Variants in HEMK2 observed in about 807,000 individuals in gnomAD.
HEMK2 encodes the protein methyltransferase HEMK2.
chr21:28,704,683 T>C, the HEMK2 span, among the ~76,000 whole-genome samples: 2 of 152,230 alleles, frequency 1.3e-5, no homozygotes, highest in Admixed American at 1.3e-4. Flanking sequence ...GTAACCCTAA[T>C]TTACCCCTGA....
At chr21:28,684,837 T>G in the HEMK2 span, among the ~76,000 whole-genome samples, 1 of 152,198 alleles carries the variant, frequency 6.6e-6, no homozygotes, top group Non-Finnish European at 1.5e-5. Flanking sequence ...TCAGCTCTAT[T>G]CTACAAGGAA....
the HEMK2 span, among the ~76,000 whole-genome samples, chr21:28,831,734 G>GGAAGGAAGGAAAGAGAGAAAGAAA: frequency 5.1e-4 from 7 of 13,636 alleles, 1 homozygote. Flanking sequence ...AAGGAAGGAA[G>GGAAGGAAGGAAAGAGAGAAAGAAA]GAAAGAAAGA....
At chr21:28,708,905 T>C in the HEMK2 span, among the ~76,000 whole-genome samples, 2 of 152,148 alleles carry the variant, frequency 1.3e-5, no homozygotes, top group Non-Finnish European at 2.9e-5. Context: ...CTGTCTTAGT[T>C]CAGGTAGCTA....
the HEMK2 span, among the ~76,000 whole-genome samples, chr21:28,856,951 C>T: frequency 6.6e-6 from 1 of 152,138 alleles, no homozygotes; most frequent in African/African-American, 2.4e-5. Flanking sequence ...TGTTCATTCC[C>T]CTAGGAAAGT....
At chr21:28,783,846 C>G in the HEMK2 span, among the ~76,000 whole-genome samples, 1 of 152,158 alleles carries the variant, frequency 6.6e-6, no homozygotes, top group Non-Finnish European at 1.5e-5. Flanking sequence ...GCCCTGCACT[C>G]GGAGCGGCCG....
the HEMK2 span, among the ~76,000 whole-genome samples, chr21:28,668,251 T>A: frequency 6.6e-6 from 1 of 152,232 alleles, no homozygotes; most frequent in Non-Finnish European, 1.5e-5. Context: ...GTGCTGTTAT[T>A]GGATGTATCT....
At chr21:28,724,768 GT>G in the HEMK2 span, among the ~76,000 whole-genome samples, 2 of 151,926 alleles carry the variant, frequency 1.3e-5, no homozygotes, top group Non-Finnish European at 2.9e-5. Context: ...CATGTATCAG[GT>G]TTTTTGTTTT....
chr21:28,814,433 G>C, the HEMK2 span, among the ~76,000 whole-genome samples: 1 of 151,528 alleles, frequency 6.6e-6, no homozygotes, highest in South Asian at 2.1e-4. Flanking sequence ...ACTACCATCA[G>C]AGTGAACAGG....
the HEMK2 span, chr21:28,874,883 A>G: frequency 6.6e-6 from 1 of 152,242 alleles, no homozygotes; most frequent in Non-Finnish European, 1.5e-5. Flanking sequence ...CTTCTAAGCA[A>G]AGTCAACAGG....
At chr21:28,625,666 C>T in the HEMK2 span, among the ~76,000 whole-genome samples, 4 of 151,952 alleles carry the variant, frequency 2.6e-5, no homozygotes, top group East Asian at 3.9e-4. Flanking sequence ...AGCTGGGACC[C>T]GGGGCCATGC....
chr21:28,789,588 A>T, the HEMK2 span, among the ~76,000 whole-genome samples: 1 of 152,196 alleles, frequency 6.6e-6, no homozygotes, highest in African/African-American at 2.4e-5. Context: ...GAAGTAGGTA[A>T]ATTCTTTCTA....
the HEMK2 span, among the ~76,000 whole-genome samples, chr21:28,838,972 A>AAAAATATATATATATATATATATAT: frequency 3.4e-5 from 1 of 29,160 alleles, no homozygotes; most frequent in Non-Finnish European, 5.6e-5. Flanking sequence ...AAAAAAAAAA[A>AAAAATATATATATATATATATATAT]ATATATATAT....
At chr21:28,883,106 A>C in the HEMK2 span, 1 of 1,434,052 alleles carries the variant, frequency 7.0e-7, no homozygotes, top group Non-Finnish European at 9.6e-7. Context: ...AGTATAGTAG[A>C]ATCAAAATAC....
the HEMK2 span, among the ~76,000 whole-genome samples, chr21:28,822,798 T>A: frequency 6.6e-6 from 1 of 152,170 alleles, no homozygotes; most frequent in Admixed American, 6.5e-5. Context: ...GGAAGCCCAT[T>A]ACAATTCAGA....
chr21:28,882,167 G>A, the HEMK2 span: 3 of 1,577,378 alleles, frequency 1.9e-6, no homozygotes, highest in Non-Finnish European at 2.6e-6. Context: ...TACCAAATCT[G>A]TAATAACTGG....
the HEMK2 span, among the ~76,000 whole-genome samples, chr21:28,685,189 G>C: frequency 5.9e-5 from 9 of 152,282 alleles, no homozygotes; most frequent in African/African-American, 2.2e-4. Flanking sequence ...TCAGCTCTTA[G>C]GGGCTACCTC....
At chr21:28,785,087 G>A in the HEMK2 span, among the ~76,000 whole-genome samples, 1 of 152,130 alleles carries the variant, frequency 6.6e-6, no homozygotes, top group Non-Finnish European at 1.5e-5. Flanking sequence ...ACGAAGGTCT[G>A]CAGCTTCACT....
chr21:28,838,395 ATGGT>A, the HEMK2 span, among the ~76,000 whole-genome samples: 2 of 129,914 alleles, frequency 1.5e-5, no homozygotes, highest in African/African-American at 6.0e-5. Flanking sequence ...TTAGCCGGGC[ATGGT>A]GGCAGGCGCC....
the HEMK2 span, among the ~76,000 whole-genome samples, chr21:28,805,365 G>T: frequency 6.6e-6 from 1 of 152,100 alleles, no homozygotes; most frequent in Non-Finnish European, 1.5e-5. Context: ...TATATTATTG[G>T]TTATTATATG....
Sources: gnomAD v4.1 joint callset for allele counts (sites outside exome capture counted in the v4.1 genomes callset) on GRCh38, gnomAD v4.1.1 for gene constraint, MANE v1.5 for transcripts, NCBI Gene and HGNC (gene_info 2026-07-23, HGNC 2026-07-21) for gene names.